Variants in LUZP2 observed in about 807,000 individuals in gnomAD.
LUZP2 encodes the protein leucine zipper protein 2.
LUZP2 carries 52 observed loss-of-function variants against 51.6 expected under a neutral mutation model. The ratio of observed to expected loss-of-function variants is 1.01; its 90% CI spans 0.81 to 1.27. LUZP2 has a LOEUF of 1.27. Ranked by LOEUF, LUZP2 falls within the 50% of genes most tolerant of loss-of-function variation. The pLI is 0.00. For synonymous variants in LUZP2, 154 were observed against 137.3 expected (o/e 1.12, Z -0.85); for missense variants, 436 against 395.4 (o/e 1.10, Z -0.87).
At chr11:24,605,088 A>T (rs1447752156) in intron 1 of LUZP2, among the ~76,000 whole-genome samples, 1 of 151,734 alleles carries the variant, frequency 6.6e-6, no homozygotes, top group African/African-American at 2.4e-5. Flanking sequence ...TAAATTTGTC[A>T]TTGGTGCAAA....
chr11:24,697,632 C>G (rs1590362119), intron 1 of LUZP2, among the ~76,000 whole-genome samples: 1 of 152,096 alleles, frequency 6.6e-6, no homozygotes, highest in Non-Finnish European at 1.5e-5. Flanking sequence ...ATTTGGAAAC[C>G]AAAACTGCCT....
intron 1 of LUZP2, among the ~76,000 whole-genome samples, chr11:24,711,283 T>C (rs912870566): frequency 6.6e-6 from 1 of 151,544 alleles, no homozygotes; most frequent in African/African-American, 2.4e-5. Context: ...CCCCCGTCTC[T>C]ACTAAAAATA....
chr11:24,504,198 T>G (rs529715518), intron 1 of LUZP2, among the ~76,000 whole-genome samples: 10 of 152,332 alleles, frequency 6.6e-5, no homozygotes, highest in African/African-American at 2.2e-4. Context: ...TCTCAGACAT[T>G]TGCTGATATA....
At chr11:24,827,506 T>G (rs1850578103) in intron 5 of LUZP2, among the ~76,000 whole-genome samples, 1 of 152,190 alleles carries the variant, frequency 6.6e-6, no homozygotes, top group Non-Finnish European at 1.5e-5. Context: ...AGATGTTAAC[T>G]AAATAATAGC....
intron 5 of LUZP2, among the ~76,000 whole-genome samples, chr11:24,851,436 C>T (rs1465942396): frequency 6.6e-6 from 1 of 152,202 alleles, no homozygotes; most frequent in Non-Finnish European, 1.5e-5. Context: ...ACCAGCCTTG[C>T]ATCCCAGGGA....
At chr11:25,005,412 G>A (rs1219666286) in intron 9 of LUZP2, among the ~76,000 whole-genome samples, 2 of 152,152 alleles carry the variant, frequency 1.3e-5, no homozygotes, top group African/African-American at 2.4e-5. Context: ...CTGCAGGATA[G>A]TTTTGTAATT....
intron 5 of LUZP2, among the ~76,000 whole-genome samples, chr11:24,893,780 A>G (rs962858045): frequency 1.7e-4 from 25 of 148,650 alleles, no homozygotes; most frequent in South Asian, 1.3e-3. Flanking sequence ...ACGCACACAC[A>G]CACACACACA....
intron 9 of LUZP2, among the ~76,000 whole-genome samples, chr11:25,033,579 C>T (rs956764277): frequency 2.0e-5 from 3 of 151,972 alleles, no homozygotes; most frequent in Admixed American, 6.6e-5. Context: ...TCTCACATTC[C>T]TTCCAACTTC....
chr11:24,654,275 A>G (rs1457816837), intron 1 of LUZP2, among the ~76,000 whole-genome samples: 1 of 152,170 alleles, frequency 6.6e-6, no homozygotes, highest in Non-Finnish European at 1.5e-5. Flanking sequence ...TACATAAATA[A>G]TTTCATATTT....
At chr11:24,734,134 G>C (rs1858836324) in intron 3 of LUZP2, among the ~76,000 whole-genome samples, 2 of 151,744 alleles carry the variant, frequency 1.3e-5, no homozygotes, top group South Asian at 2.1e-4. Flanking sequence ...AGGGTAGAAA[G>C]AAAAATGTAG....
chr11:24,752,259 A>G (rs1590452074), intron 4 of LUZP2, among the ~76,000 whole-genome samples: 1 of 152,184 alleles, frequency 6.6e-6, no homozygotes. Context: ...CACCCACAAA[A>G]GGGCAATAAT....
intron 1 of LUZP2, 31 bp downstream of exon 1, chr11:24,497,336 CA>C: frequency 6.8e-7 from 1 of 1,471,952 alleles, no homozygotes; most frequent in South Asian, 1.4e-5. Context: ...GACCTGAGGC[CA>C]GGGGCGCTGC....
Position 24,497,297 on chromosome 11 carries a change from C to G in LUZP2, c.54C>G (p.Leu18=). The G allele has an allele frequency of 6.4e-7, 1 of 1,564,060 alleles. No individual in the cohort carries two copies. The highest frequency in any genetic ancestry group is 8.7e-7 in the Non-Finnish European group (1 of 1,153,786). Residue 18 remains leucine (L), a synonymous_variant, in exon 1 of 12, where the codon CTC becomes CTG. Coordinates refer to ENST00000336930, the MANE Select transcript of LUZP2 (RefSeq NM_001009909.4). ...TGCCTCTCCTGCCTGCGCTGGTCCTCAGCACCAGGTGAGTCCAGGAGCGTG... is the reference window on the plus strand; with the variant it reads ...TGCCTCTCCTGCCTGCGCTGGTCCTGAGCACCAGGTGAGTCCAGGAGCGTG... ...YLLPLLPALV[L]STRQDYEELE... is the part of the protein sequence containing the mutation.
chr11:24,604,569 G>A (rs150902673), intron 1 of LUZP2, among the ~76,000 whole-genome samples: 2 of 151,836 alleles, frequency 1.3e-5, no homozygotes, highest in Non-Finnish European at 2.9e-5. Flanking sequence ...ATAAAAAACG[G>A]TGGCATAGAC....
chr11:24,627,906 A>C (rs1203182501), intron 1 of LUZP2, among the ~76,000 whole-genome samples: 1 of 152,156 alleles, frequency 6.6e-6, no homozygotes, highest in Admixed American at 6.5e-5. Context: ...GTGTGCATAT[A>C]TTTAACTGAC....
intron 1 of LUZP2, among the ~76,000 whole-genome samples, chr11:24,511,659 C>A (rs1485447477): frequency 3.3e-5 from 5 of 152,110 alleles, no homozygotes; most frequent in Non-Finnish European, 7.4e-5. Context: ...GAGGTGACTA[C>A]TTTAAAGGCA....
intron 1 of LUZP2, among the ~76,000 whole-genome samples, chr11:24,586,681 G>A (rs906010995): frequency 6.6e-6 from 1 of 152,008 alleles, no homozygotes; most frequent in Non-Finnish European, 1.5e-5. Context: ...GAATTAGATG[G>A]AAAACTGTGA....
chr11:24,566,334 T>TA (rs1564994744), intron 1 of LUZP2, among the ~76,000 whole-genome samples: 16 of 6,032 alleles, frequency 2.7e-3, no homozygotes, highest in African/African-American at 6.9e-3. Flanking sequence ...TTATTTTTTT[T>TA]TTTTTTTTTT....
intron 7 of LUZP2, among the ~76,000 whole-genome samples, chr11:24,950,619 C>T (rs1264293032): frequency 6.6e-6 from 1 of 151,632 alleles, no homozygotes; most frequent in South Asian, 2.1e-4. Context: ...AGAAGCAATA[C>T]AGCTAATGAA....
Sources: allele counts gnomAD v4.1 joint callset (sites outside exome capture counted in the v4.1 genomes callset), GRCh38; gene constraint gnomAD v4.1.1; transcripts MANE v1.5; gene names NCBI Gene and HGNC (gene_info 2026-07-23, HGNC 2026-07-21).